The following ENAM variants were observed in gnomAD, a reference collection of about 807,000 sequenced individuals.
ENAM encodes the protein amelogenesis imperfecta 2, hypocalcification (autosomal dominant).
Under a neutral mutation model 33.6 loss-of-function variants are expected in ENAM, and 21 were observed. The observed-to-expected ratio is 0.63, with a 90% CI of 0.44 to 0.90. The LOEUF is 0.90. Among genes scored for constraint, ENAM ranks in the 40% least tolerant of loss-of-function variants. The pLI, the probability that ENAM is intolerant of heterozygous loss-of-function variation, is 0.00. For synonymous variants in ENAM, 473 were observed against 468.4 expected, an observed-to-expected ratio of 1.01 and a Z score of -0.13; for missense variants, 1,388 against 1,366.9, an observed-to-expected ratio of 1.02 and a Z score of -0.24.
intron 3 of ENAM, 36 bp downstream of exon 3, chr4:70,631,774 G>A (rs750703132): frequency 1.9e-6 from 3 of 1,608,066 alleles, no homozygotes; most frequent in East Asian, 2.2e-5. Flanking sequence ...TTCTCTTTGT[G>A]TTCCGTTAGG....
chr4:70,641,187 C>A (rs984416036), intron 8 of ENAM, among the ~76,000 whole-genome samples: 2 of 151,896 alleles, frequency 1.3e-5, no homozygotes, highest in African/African-American at 4.8e-5. Flanking sequence ...GGAGATGAGC[C>A]CAGTTCTGGG....
chr4:70,641,687 A>G (rs891771750), intron 8 of ENAM, among the ~76,000 whole-genome samples: 1 of 152,088 alleles, frequency 6.6e-6, no homozygotes, highest in Non-Finnish European at 1.5e-5. Flanking sequence ...TTCTTAAAAG[A>G]GGTATGTAAA....
At position 70,643,301 on chromosome 4, in the gene ENAM, T is replaced by C. The variant is rs1212595757; in HGVS notation, c.1875T>C (p.Asp625=). The C allele has an allele frequency of 6.2e-7, 1 of 1,613,826 alleles. No individual in the cohort carries two copies. Among genetic ancestry groups the C allele is most frequent in the Admixed American group, 1.7e-5 (1 of 59,986 alleles). The part of the protein sequence containing the change: ...LRGNTWDERD[D]SPNTMGQKES... The stretch of plus-strand genomic sequence containing the variant: ...GCAATACATGGGATGAGAGAGATGA[T>C]TCTCCCAATACTATGGGGCAAAAAG... Residue 625 remains aspartate (D), a synonymous_variant, in exon 9 of 9, where the codon GAT becomes GAC. Coordinates refer to ENST00000396073, the MANE Select transcript of ENAM (RefSeq NM_031889.3).
intron 1 of ENAM, 83 bp from the exon 2 acceptor site, chr4:70,629,358 A>T: frequency 1.3e-6 from 1 of 747,048 alleles, no homozygotes. Context: ...ATGACTGGAT[A>T]AAATAATTAA....
rs1360809844 is a variant in ENAM, at chr4:70,646,081, T to C, written c.*1226T>C. ...GTTGTTTTTTTTTTTTTTTACTAGT[T>C]CAGCATAAGGGATTCTACCAGTATG... On this transcript the variant is annotated 3_prime_UTR_variant, in exon 9 of 9. Coordinates refer to ENST00000396073, the MANE Select transcript of ENAM (RefSeq NM_031889.3). 1 of 151,864 alleles carries C rather than the reference T, an allele frequency of 6.6e-6. No homozygotes were observed. Among genetic ancestry groups the C allele is most frequent in the Admixed American group, 6.6e-5 (1 of 15,240 alleles). 9.4% of individuals were successfully genotyped at this position (151,864 alleles called of 1,614,324 possible). A position where few individuals can be genotyped will look rare whatever the true frequency, so the allele number is the denominator to read the frequency against.
intron 5 of ENAM, among the ~76,000 whole-genome samples, chr4:70,633,576 G>T (rs1738376325): frequency 6.6e-6 from 1 of 152,138 alleles, no homozygotes; most frequent in Non-Finnish European, 1.5e-5. Flanking sequence ...TGAAGACTGG[G>T]TATAGAGACA....
intron 2 of ENAM, among the ~76,000 whole-genome samples, chr4:70,630,290 A>G (rs945637856): frequency 4.6e-5 from 7 of 152,214 alleles, no homozygotes; most frequent in Non-Finnish European, 1.0e-4. Context: ...TAGGAAGTAA[A>G]CAGAAGGGTG....
Position 70,632,707 on chromosome 4 carries a change from A to G in ENAM, c.210+15A>G, listed in dbSNP as rs1399628314. 6.4e-7 allele frequency: 1 copy of G among 1,567,760 alleles called. No individual in the cohort carries two copies. The highest frequency in any genetic ancestry group is 8.8e-7 in the Non-Finnish European group (1 of 1,138,042). ...ACGGCCCACATGTAAGTTTTTCTTT[A>G]TGTTATTTCTGATGATTTCTTGTTT... On this transcript the variant is annotated intron_variant, in intron 5 of 8. Transcript: ENST00000396073.
In ENAM at chr4:70,644,136, C is replaced by A; in HGVS notation, c.2710C>A (p.Gln904Lys). The change falls in exon 9 of 9, where the codon CAA becomes AAA. Residue 904 changes from glutamine to lysine, a missense_variant. Coordinates refer to ENST00000396073, the MANE Select transcript of ENAM (RefSeq NM_031889.3). ...PSYGLAPGEN[Q>K]DTSPLYTDGS... ...CTATGGTCTTGCACCTGGGGAGAAC[C>A]AAGACACCAGTCCTCTGTATACAGA... is the stretch of plus-strand genomic sequence containing the variant. The A allele has an allele frequency of 6.2e-7, 1 of 1,614,086 alleles. No individual in the cohort carries two copies. Among genetic ancestry groups the A allele is most frequent in the Non-Finnish European group, 8.5e-7 (1 of 1,180,002 alleles).
rs375265900 is a variant in ENAM, at chr4:70,643,253, G to A, written c.1827G>A (p.Arg609=). 2.7e-5 allele frequency: 44 copies of A among 1,613,740 alleles called. No homozygotes were observed. The highest frequency in any genetic ancestry group is 3.6e-5 in the Non-Finnish European group (42 of 1,179,968). The stretch of plus-strand genomic sequence containing the variant: ...CTGAATATAACCCATATGATCCCAG[G>A]GAAAACTCACCATACCTTAGAGGCA... ...FYPEYNPYDP[R]ENSPYLRGNT... is the part of the protein sequence containing the mutation. The change falls in exon 9 of 9, where the codon AGG becomes AGA. Residue 609 remains arginine, a synonymous_variant. Coordinates refer to ENST00000396073, the MANE Select transcript of ENAM (RefSeq NM_031889.3).
rs1012570294 is a variant in ENAM, at chr4:70,646,283, C to T, written c.*1428C>T. The T allele has an allele frequency of 6.6e-6, 1 of 151,966 alleles. No individual in the cohort carries two copies. Among genetic ancestry groups the T allele is most frequent in the Non-Finnish European group, 1.5e-5 (1 of 67,998 alleles). 9.4% of individuals were successfully genotyped at this position (151,966 alleles called of 1,614,324 possible). A position where few individuals can be genotyped will look rare whatever the true frequency, so the allele number is the denominator to read the frequency against. Reference sequence around the variant, plus strand: ...CATGTTGGCCTATTATCTGGATGTCCCTTGCCTAGAGCAGGAAAAAAGTCT... The same window carrying T: ...CATGTTGGCCTATTATCTGGATGTCTCTTGCCTAGAGCAGGAAAAAAGTCT... On this transcript the variant is annotated 3_prime_UTR_variant, in exon 9 of 9. Transcript: ENST00000396073.
In ENAM at chr4:70,644,001, G is replaced by C. The variant is rs747895001; in HGVS notation, c.2575G>C (p.Gly859Arg). 65 of 1,613,990 alleles carry C rather than the reference G, an allele frequency of 4.0e-5. No homozygotes were observed. The highest frequency in any genetic ancestry group is 5.3e-5 in the Non-Finnish European group (62 of 1,180,008). The change falls in exon 9 of 9, where the codon GGT (glycine) becomes CGT (arginine). Residue 859 changes from glycine (G) to arginine (R), a missense_variant. Physicochemically the swap from Gly to Arg is moderately radical, Grantham distance 125. Transcript: ENST00000396073. ...PNFIPPSYPS[G>R]QKEAHLFHLS... ...CTTCATCCCACCAAGTTACCCATCA[G>C]GTCAAAAAGAAGCACATTTATTTCA...
At chr4:70,637,188 T>G (rs889521497) in intron 7 of ENAM, among the ~76,000 whole-genome samples, 12 of 152,222 alleles carry the variant, frequency 7.9e-5, no homozygotes, top group Non-Finnish European at 1.8e-4. Flanking sequence ...ATGATTCTCA[T>G]GCTGAAGTAA....
chr4:70,644,991 C>A lies in ENAM; in HGVS notation c.*136C>A. On this transcript the variant is annotated 3_prime_UTR_variant, in exon 9 of 9. Coordinates refer to ENST00000396073, the MANE Select transcript of ENAM (RefSeq NM_031889.3). ...ATCCTTAAGTTTTCTCCCCTCTCAG[C>A]AATAGGAGTAGCGACCCAGGTGGAG... 1 of 748,872 alleles carries A rather than the reference C, an allele frequency of 1.3e-6. No individual in the cohort carries two copies. The highest frequency in any genetic ancestry group is 1.6e-5 in the South Asian group (1 of 63,348). 46.4% of individuals were successfully genotyped at this position (748,872 alleles called of 1,614,324 possible).
chr4:70,644,808 A>T lies in ENAM; in HGVS notation c.3382A>T (p.Thr1128Ser), dbSNP rs1738715095. 1 of 1,614,136 alleles carries T rather than the reference A, an allele frequency of 6.2e-7. No homozygotes were observed. The part of the protein sequence containing the change: ...HSPFEFLQRG[T>S]NVQDQVQDCL... Reference sequence around the variant, plus strand: ...TCCATTTGAATTCCTTCAAAGAGGGACCAATGTACAGGACCAGGTACAAGA... The same window carrying T: ...TCCATTTGAATTCCTTCAAAGAGGGTCCAATGTACAGGACCAGGTACAAGA... The change falls in exon 9 of 9, where the codon ACC becomes TCC. Residue 1128 changes from threonine (T) to serine (S), a missense_variant. Transcript: ENST00000396073.
rs755453924 is a variant in ENAM, at chr4:70,643,775, C to T, written c.2349C>T (p.Asn783=). 1 of 1,614,148 alleles carries T rather than the reference C, an allele frequency of 6.2e-7. No homozygotes were observed. The highest frequency in any genetic ancestry group is 8.5e-7 in the Non-Finnish European group (1 of 1,180,014). The change falls in exon 9 of 9, where the codon AAC becomes AAT. Residue 783 remains asparagine, a synonymous_variant. Coordinates refer to ENST00000396073, the MANE Select transcript of ENAM (RefSeq NM_031889.3). ...QGQRERRPYF[N]RNIWDQATHL... is the part of the protein sequence containing the mutation. ...AGAGAGAAAGAAGGCCGTATTTTAACAGAAATATCTGGGATCAGGCAACAC... is the reference window on the plus strand; with the variant it reads ...AGAGAGAAAGAAGGCCGTATTTTAATAGAAATATCTGGGATCAGGCAACAC...
rs751698216 is a variant in ENAM at position 70,631,677 on chromosome 4, A to G, written c.62A>G (p.Lys21Arg). The change falls in exon 3 of 9, where the codon AAA becomes AGA. Residue 21 changes from lysine (K) to arginine (R), a missense_variant. Physicochemically the swap from Lys to Arg is conservative, Grantham distance 26. Coordinates refer to ENST00000396073, the MANE Select transcript of ENAM (RefSeq NM_031889.3). ...ATCAATTTTTTATTCTAGGTACCAA[A>G]AGGCAAAATGAAGATTCTCCTGGTC... ...SFPKLDNLVP[K>R]GKMKILLVFL... 6.2e-7 allele frequency: 1 copy of G among 1,612,376 alleles called. No homozygotes were observed. The highest frequency in any genetic ancestry group is 1.1e-5 in the South Asian group (1 of 91,044).
At chr4:70,631,255 T>C (rs893095812) in intron 2 of ENAM, among the ~76,000 whole-genome samples, 5 of 152,170 alleles carry the variant, frequency 3.3e-5, no homozygotes, top group African/African-American at 1.2e-4. Context: ...ATGAATGTAG[T>C]TGGACATCAC....
rs141654557 is a variant in ENAM, at chr4:70,629,931, T to C, written c.54+377T>C. Among the ~76,000 whole-genome samples the C allele has an allele frequency of 6.5e-3, 982 of 152,232 alleles. 16 individuals are homozygous for C. The highest frequency in any genetic ancestry group is 0.022 in the African/African-American group (930 of 41,564). ...GCTACTAGAGAGATGAGATGAATGA[T>C]TAAGCAAGGCAGAAATTAACCATCC... On this transcript the variant is annotated intron_variant, in intron 2 of 8. Coordinates refer to ENST00000396073, the MANE Select transcript of ENAM (RefSeq NM_031889.3).
Sources: allele counts gnomAD v4.1 joint callset (sites outside exome capture counted in the v4.1 genomes callset), GRCh38; gene constraint gnomAD v4.1.1; transcripts MANE v1.5; gene names NCBI Gene and HGNC (gene_info 2026-07-23, HGNC 2026-07-21).